Variants in SAMD12 observed in about 807,000 individuals in gnomAD.
SAMD12 encodes sterile alpha motif domain-containing protein 12.
SAMD12 carries 9 observed loss-of-function variants against 15.0 expected under a neutral mutation model. The observed-to-expected ratio is 0.60, with a 90% CI of 0.36 to 1.05. The LOEUF (loss-of-function observed/expected upper bound fraction) is 1.05. Ranked by LOEUF, SAMD12 falls within the 50% of genes least tolerant of loss-of-function variation. The probability of loss-of-function intolerance (pLI) is 0.01; values close to 1 mark genes in which losing one functional copy is unlikely to be tolerated. For missense variants in SAMD12, 230 were observed against 234.2 expected (o/e 0.98, Z 0.12); for synonymous variants, 86 against 90.1 (o/e 0.96, Z 0.25).
chr8:118,416,215 G>C (rs1821681588), intron 3 of SAMD12, among the ~76,000 whole-genome samples: 1 of 152,026 alleles, frequency 6.6e-6, no homozygotes, highest in Non-Finnish European at 1.5e-5. Flanking sequence ...TGGATGTAGA[G>C]GAAAACAGAG....
chr8:118,175,552 A>G, the SAMD12 span, among the ~76,000 whole-genome samples: 1 of 152,228 alleles, frequency 6.6e-6, no homozygotes, highest in Non-Finnish European at 1.5e-5. Context: ...CACAGTAAAC[A>G]GAGAACTTAC....
intron 2 of SAMD12, among the ~76,000 whole-genome samples, chr8:118,554,429 A>G (rs1826455361): frequency 1.3e-5 from 2 of 151,332 alleles, no homozygotes; most frequent in African/African-American, 4.9e-5. Context: ...AAACTATCGC[A>G]AGAACAAAAA....
chr8:118,580,678 C>A (rs377488047), intron 2 of SAMD12, 37 bp downstream of exon 2: 15 of 1,523,736 alleles, frequency 9.8e-6, no homozygotes, highest in Non-Finnish European at 1.2e-5. Context: ...AAGGCTGCAG[C>A]TTTCAAATCT....
chr8:118,479,514 GA>G (rs1263317289), intron 2 of SAMD12, among the ~76,000 whole-genome samples: 12 of 152,058 alleles, frequency 7.9e-5, no homozygotes, highest in African/African-American at 2.4e-4. Context: ...CAGTATGGGG[GA>G]AACCACACCC....
intron 2 of SAMD12, among the ~76,000 whole-genome samples, chr8:118,477,788 C>T (rs1280679839): frequency 2.6e-5 from 4 of 151,832 alleles, no homozygotes; most frequent in Non-Finnish European, 4.4e-5. Context: ...CTGAGGTGGG[C>T]GGATCATGAG....
exon 5 of SAMD12, chr8:118,195,191 T>C (rs1390317592): frequency 6.6e-6 from 1 of 152,210 alleles, no homozygotes; most frequent in Admixed American, 6.5e-5. Flanking sequence ...TAAGTAACAA[T>C]GAACCACCAT....
the SAMD12 span, among the ~76,000 whole-genome samples, chr8:118,142,132 A>G: frequency 6.6e-6 from 1 of 152,192 alleles, no homozygotes; most frequent in Non-Finnish European, 1.5e-5. Context: ...AAGTTGTTCC[A>G]AGGCCTCAGA....
downstream of SAMD12, among the ~76,000 whole-genome samples, chr8:118,188,661 T>G (rs1420643777): frequency 1.3e-5 from 2 of 152,162 alleles, no homozygotes; most frequent in Non-Finnish European, 2.9e-5. Context: ...AGAGTCAGAG[T>G]GTCTATAAGT....
At chr8:118,461,829 C>T (rs1823432194) in intron 2 of SAMD12, among the ~76,000 whole-genome samples, 1 of 152,160 alleles carries the variant, frequency 6.6e-6, no homozygotes, top group Non-Finnish European at 1.5e-5. Flanking sequence ...GGGAAACATG[C>T]TCTCTGTTAG....
intron 1 of SAMD12, among the ~76,000 whole-genome samples, chr8:118,599,236 C>T (rs1337990792): frequency 2.0e-5 from 3 of 152,164 alleles, no homozygotes; most frequent in African/African-American, 7.2e-5. Flanking sequence ...AGAGATGCAA[C>T]ATGTCCAGGT....
the SAMD12 span, among the ~76,000 whole-genome samples, chr8:118,184,168 A>T: frequency 1.9e-4 from 28 of 150,572 alleles, no homozygotes; most frequent in South Asian, 5.1e-3. Flanking sequence ...AAAATGAAAT[A>T]AAAAAAAATA....
At chr8:118,346,016 A>G (rs776276557) in intron 4 of SAMD12, among the ~76,000 whole-genome samples, 7 of 152,194 alleles carry the variant, frequency 4.6e-5, no homozygotes, top group Non-Finnish European at 8.8e-5. Flanking sequence ...GCAGCAGCCT[A>G]CTTGCTCTCT....
chr8:118,251,604 G>C (rs950679461), intron 4 of SAMD12, among the ~76,000 whole-genome samples: 2 of 151,962 alleles, frequency 1.3e-5, no homozygotes, highest in Non-Finnish European at 2.9e-5. Context: ...ACTGTTCTGC[G>C]TTGCTGGCCC....
At chr8:118,614,328 T>C (rs1436973286) in intron 1 of SAMD12, among the ~76,000 whole-genome samples, 2 of 152,204 alleles carry the variant, frequency 1.3e-5, no homozygotes. Flanking sequence ...AATATTCTCA[T>C]TTGATAGACA....
At chr8:118,203,394 G>GTC (rs35272272) in intron 4 of SAMD12, among the ~76,000 whole-genome samples, 2 of 151,858 alleles carry the variant, frequency 1.3e-5, no homozygotes, top group African/African-American at 2.4e-5. Context: ...TTGTGTGTGT[G>GTC]TGTGTGTGTG....
chr8:118,283,707 G>A (rs1029656548), intron 4 of SAMD12, among the ~76,000 whole-genome samples: 1 of 152,210 alleles, frequency 6.6e-6, no homozygotes, highest in Admixed American at 6.5e-5. Flanking sequence ...CTTCTACTAT[G>A]TCTTGTACCA....
In SAMD12 at chr8:118,333,862, C is replaced by CTG. The variant is rs145282821; in HGVS notation, c.433+45696_433+45697dup. Among the ~76,000 whole-genome samples, 391 of 141,370 alleles carry CTG rather than the reference C, an allele frequency of 2.8e-3. 1 individual carries two copies. Among genetic ancestry groups the CTG allele is most frequent in the African/African-American group, 6.9e-3 (264 of 38,028 alleles). 92.7% of individuals were successfully genotyped at this position (141,370 alleles called of 152,430 possible). On this transcript the variant is annotated intron_variant, in intron 4 of 4. Coordinates refer to the SAMD12 transcript ENST00000409003. The stretch of plus-strand genomic sequence containing the variant: ...CCGTTGGCGGGGGGCGGGGGTATGT[C>CTG]TGTGTGTGTGTGTGTGCGTTGGTGG...
At chr8:118,602,674 A>C (rs1255415632) in intron 1 of SAMD12, among the ~76,000 whole-genome samples, 1 of 152,212 alleles carries the variant, frequency 6.6e-6, no homozygotes, top group African/African-American at 2.4e-5. Context: ...AAACAGTCTG[A>C]TGTAAGAAAA....
At chr8:118,292,558 C>A (rs943357196) in intron 4 of SAMD12, among the ~76,000 whole-genome samples, 17 of 152,100 alleles carry the variant, frequency 1.1e-4, no homozygotes, top group African/African-American at 4.1e-4. Context: ...TGGGTATATA[C>A]CCAAATGACT....
Sources: allele counts gnomAD v4.1 joint callset (sites outside exome capture counted in the v4.1 genomes callset), GRCh38; gene constraint gnomAD v4.1.1; transcripts MANE v1.5; gene names NCBI Gene and HGNC (gene_info 2026-07-23, HGNC 2026-07-21).